Variants in MRPL45 observed in about 807,000 individuals in gnomAD.
MRPL45 encodes the protein large ribosomal subunit protein mL45.
Under a neutral mutation model 38.1 loss-of-function variants are expected in MRPL45, and 20 were observed. The observed-to-expected ratio is 0.53, with a 90% CI of 0.37 to 0.76. MRPL45 has a LOEUF of 0.76. MRPL45 is among the 30% of genes least tolerant of loss of function. The pLI is 0.00. For missense variants in MRPL45, 337 were observed against 395.6 expected, an observed-to-expected ratio of 0.85 and a Z score of 1.26; for synonymous variants, 105 against 128.8, an observed-to-expected ratio of 0.82 and a Z score of 1.25.
At chr17:38,310,130 C>CTTTTTTTTTT (rs71135802) in intron 4 of MRPL45, among the ~76,000 whole-genome samples, 2 of 122,256 alleles carry the variant, frequency 1.6e-5, no homozygotes, top group Non-Finnish European at 3.3e-5. Flanking sequence ...TTAGAATTTT[C>CTTTTTTTTTT]TTTTTTTTTT....
intron 3 of MRPL45, 40 bp from the exon 4 acceptor site, chr17:38,306,493 G>A (rs765729253): frequency 2.7e-6 from 4 of 1,506,842 alleles, no homozygotes; most frequent in Admixed American, 2.0e-5. Flanking sequence ...TTATGGAATT[G>A]TAAGACCTTT....
intron 5 of MRPL45, 97 bp from the exon 6 acceptor site, chr17:38,320,521 T>C: frequency 7.8e-7 from 1 of 1,286,156 alleles, no homozygotes; most frequent in Non-Finnish European, 1.1e-6. Context: ...TGCTGCCTGT[T>C]GGCTGTAGTC....
intron 5 of MRPL45, 64 bp downstream of exon 5, chr17:38,318,799 T>A (rs974683907): frequency 1.8e-6 from 2 of 1,127,990 alleles, no homozygotes; most frequent in Non-Finnish European, 1.3e-6. Context: ...ATGGCGTCTC[T>A]GGTTTTTCTT....
chr17:38,302,929 T>C (rs937332760), intron 3 of MRPL45, among the ~76,000 whole-genome samples: 43 of 150,746 alleles, frequency 2.9e-4, no homozygotes, highest in African/African-American at 8.5e-4. Context: ...TTCACCATGT[T>C]AGCCAGCCTG....
At chr17:38,313,316 A>ATATATATATATACG (rs2037136521) in intron 4 of MRPL45, among the ~76,000 whole-genome samples, 1 of 2,006 alleles carries the variant, frequency 5.0e-4, no homozygotes, top group South Asian at 0.018. Context: ...AAAAAAATAT[A>ATATATATATATACG]TATATATATA....
At chr17:38,313,888 C>T (rs55712193) in intron 4 of MRPL45, among the ~76,000 whole-genome samples, 2,103 of 152,008 alleles carry the variant, frequency 0.014, 50 homozygotes, top group African/African-American at 0.048. Flanking sequence ...GTCTCGAACT[C>T]CTGACCTCAG....
At chr17:38,318,532 C>T (rs2037197011) in intron 4 of MRPL45, among the ~76,000 whole-genome samples, 155 bp from the exon 5 acceptor site, 1 of 148,186 alleles carries the variant, frequency 6.7e-6, no homozygotes, top group African/African-American at 2.5e-5. Context: ...GTGTTTGTGC[C>T]CCTAGAATTT....
rs578182880 is a variant in MRPL45, at chr17:38,317,006, C to G, written c.462-1681C>G. Among the ~76,000 whole-genome samples, 62 of 152,138 alleles carry G rather than the reference C, an allele frequency of 4.1e-4. 1 individual carries two copies. The East Asian group carries it at 0.011, about 27-fold the overall frequency. On this transcript the variant is annotated intron_variant, in intron 4 of 7. Transcript: ENST00000613675. ...AGGGACAGGGTTTCACCATGTTGGC[C>G]AGGATGGTCTTGATCTCCTGACCTC...
At chr17:38,304,467 C>T (rs1206852637) in intron 3 of MRPL45, among the ~76,000 whole-genome samples, 1 of 152,196 alleles carries the variant, frequency 6.6e-6, no homozygotes, top group African/African-American at 2.4e-5. Context: ...CAGAGTGAGA[C>T]CCTGTCTCAG....
intron 4 of MRPL45, among the ~76,000 whole-genome samples, chr17:38,308,986 A>G (rs927392811): frequency 6.6e-6 from 1 of 151,384 alleles, no homozygotes; most frequent in African/African-American, 2.4e-5. Flanking sequence ...GACTTACTGC[A>G]ACCTCCGCCT....
At position 38,311,161 on chromosome 17, in the gene MRPL45, A is replaced by T. The variant is rs568505844; in HGVS notation, c.461+4530A>T. On this transcript the variant is annotated intron_variant, in intron 4 of 7. Coordinates refer to ENST00000613675, the MANE Select transcript of MRPL45 (RefSeq NM_032351.6). ...TCAGACAGGAATTTTATACCCATTA[A>T]GCAGTAATTCCCCATTGCCCTCTTC... is the stretch of plus-strand genomic sequence containing the variant. Among the ~76,000 whole-genome samples the T allele has an allele frequency of 5.2e-4, 79 of 152,284 alleles. 2 individuals are homozygous for T. Among genetic ancestry groups the T allele is most frequent in the Middle Eastern group, 3.4e-3 (1 of 294 alleles).
chr17:38,321,525 C>T (rs978728588), intron 6 of MRPL45, among the ~76,000 whole-genome samples: 2 of 151,630 alleles, frequency 1.3e-5, no homozygotes, highest in Non-Finnish European at 2.9e-5. Context: ...ACACTGTGTA[C>T]ACTACAAATA....
At position 38,308,916 on chromosome 17, in the gene MRPL45, T is replaced by G. The variant is rs530045009; in HGVS notation, c.461+2285T>G. On this transcript the variant is annotated intron_variant, in intron 4 of 7. Coordinates refer to ENST00000613675, the MANE Select transcript of MRPL45 (RefSeq NM_032351.6). ...TTTACTTTGTGTGCTTTTATTTATG[T>G]TTTTTTTTTGAGACAGAGTCTCGCT... Among the ~76,000 whole-genome samples, 203 of 148,440 alleles carry G rather than the reference T, an allele frequency of 1.4e-3. 1 individual carries two copies. The highest frequency in any genetic ancestry group is 1.7e-3 in the Non-Finnish European group (116 of 66,860).
intron 1 of MRPL45, among the ~76,000 whole-genome samples, chr17:38,297,755 AG>A (rs1227351280): frequency 6.6e-6 from 1 of 152,148 alleles, no homozygotes; most frequent in Non-Finnish European, 1.5e-5. Context: ...AAATATCACG[AG>A]TACATATGGA....
Position 38,322,506 on chromosome 17 carries a change from C to G in MRPL45, c.835-3C>G, listed in dbSNP as rs1233558125. The G allele has an allele frequency of 6.2e-7, 1 of 1,612,950 alleles. No homozygotes were observed. The highest frequency in any genetic ancestry group is 1.3e-5 in the African/African-American group (1 of 75,016). On this transcript the variant is annotated splice_region_variant and splice_polypyrimidine_tract_variant and intron_variant, in intron 7 of 7. Transcript: ENST00000613675. ...TGGGTAACCTGGCGTCCTACTCTTT[C>G]AGACGGTGATGATCCCTGGCCCTCA...
At chr17:38,303,290 A>ATTTTTTTTTTTTT (rs776250748) in intron 3 of MRPL45, among the ~76,000 whole-genome samples, 1 of 103,432 alleles carries the variant, frequency 9.7e-6, no homozygotes, top group Non-Finnish European at 1.9e-5. Context: ...AAAACATTAA[A>ATTTTTTTTTTTTT]TTTTTTTTTT....
At chr17:38,299,726 T>A (rs1293574353) in intron 3 of MRPL45, among the ~76,000 whole-genome samples, 4 of 151,754 alleles carry the variant, frequency 2.6e-5, no homozygotes, top group Non-Finnish European at 4.4e-5. Flanking sequence ...GATCCTTTTT[T>A]AATCATATAT....
Position 38,298,563 on chromosome 17 carries a change from C to G in MRPL45, c.181C>G (p.Arg61Gly). Residue 61 changes from arginine to glycine, a missense_variant, in exon 2 of 8, where the codon CGG becomes GGG. Arg to Gly is a moderately radical substitution (Grantham distance 125, BLOSUM62 -2). Transcript: ENST00000613675. ...KTEKEFMQHA[R>G]KAGLVIPPEK... The stretch of plus-strand genomic sequence containing the variant: ...AGAAAAGGAGTTTATGCAACATGCC[C>G]GGAAAGCAGGATTGGTTATTCCTCC... 2 of 1,613,586 alleles carry G rather than the reference C, an allele frequency of 1.2e-6. No homozygotes were observed. Among genetic ancestry groups the G allele is most frequent in the Non-Finnish European group, 1.7e-6 (2 of 1,179,786 alleles).
At chr17:38,301,769 G>T (rs950655834) in intron 3 of MRPL45, among the ~76,000 whole-genome samples, 5 of 152,088 alleles carry the variant, frequency 3.3e-5, no homozygotes, top group African/African-American at 1.2e-4. Flanking sequence ...AATACTGATC[G>T]CACACAAATA....
Sources: allele counts gnomAD v4.1 joint callset (sites outside exome capture counted in the v4.1 genomes callset), GRCh38; gene constraint gnomAD v4.1.1; transcripts MANE v1.5; gene names NCBI Gene and HGNC (gene_info 2026-07-23, HGNC 2026-07-21).